The following RFTN1 variants were observed in gnomAD, a reference collection of about 807,000 sequenced individuals.
RFTN1 encodes the protein raftlin.
RFTN1 carries 26 observed loss-of-function variants against 46.5 expected under a neutral mutation model. The observed-to-expected ratio is 0.56, with a 90% CI of 0.41 to 0.78. The LOEUF (loss-of-function observed/expected upper bound fraction) is 0.78. RFTN1 is among the 30% of genes least tolerant of loss of function. RFTN1 has a pLI of 0.00. For synonymous variants in RFTN1, 261 were observed against 284.2 expected (o/e 0.92, Z 0.82); for missense variants, 693 against 718.7 (o/e 0.96, Z 0.41).
At chr3:16,359,736 A>G (rs2072704861) in intron 6 of RFTN1, among the ~76,000 whole-genome samples, 1 of 152,196 alleles carries the variant, frequency 6.6e-6, no homozygotes, top group South Asian at 2.1e-4. Context: ...GTCCTAGTAA[A>G]CATACAAACA....
In RFTN1 at chr3:16,382,052, A is replaced by C. The variant is rs889941840; in HGVS notation, c.442-3950T>G. ...AGGATCCAAACTTTAAAAAGATGTC[A>C]AAGTTAAATGCTGCCCTTATCCTAT... On this transcript the variant is annotated intron_variant, in intron 4 of 9. Transcript: ENST00000334133. This position sits in a 1 kb window ranked among gnomAD's most constrained non-coding sequence, Gnocchi z 4.7. Among the ~76,000 whole-genome samples the C allele has an allele frequency of 2.6e-5, 4 of 152,226 alleles. No individual in the cohort carries two copies. The highest frequency in any genetic ancestry group is 5.9e-5 in the Non-Finnish European group (4 of 68,032).
chr3:16,431,261 C>A (rs2075381786), intron 3 of RFTN1, among the ~76,000 whole-genome samples: 2 of 152,184 alleles, frequency 1.3e-5, no homozygotes, highest in South Asian at 4.1e-4. Flanking sequence ...AAGTGGCAAG[C>A]CCCAATAGTG....
Position 16,383,266 on chromosome 3 carries a change from C to T in RFTN1, c.442-5164G>A, listed in dbSNP as rs1050968276. On this transcript the variant is annotated intron_variant, in intron 4 of 9. Coordinates refer to ENST00000334133, the MANE Select transcript of RFTN1 (RefSeq NM_015150.2). The surrounding 1 kb of genome is among the most constrained non-coding windows in gnomAD (Gnocchi z 4.0). ...GGATGCCTGTTTAAACTGATATACA[C>T]CCTCACCCACCTTATTCTCATTTCT... 6.6e-6 allele frequency among the ~76,000 whole-genome samples: 1 copy of T among 152,154 alleles called. No individual in the cohort carries two copies. The highest frequency in any genetic ancestry group is 2.4e-5 in the African/African-American group (1 of 41,432).
chr3:16,374,909 G>A lies in RFTN1; in HGVS notation c.826+2809C>T, dbSNP rs1436526548. 6.6e-6 allele frequency among the ~76,000 whole-genome samples: 1 copy of A among 152,160 alleles called. No homozygotes were observed. Among genetic ancestry groups the A allele is most frequent in the African/African-American group, 2.4e-5 (1 of 41,430 alleles). ...GCGTGACGGCTGCACCGAGCCCGCA[G>A]AGATGGGGAGGGACGACCTGCCCCT... On this transcript the variant is annotated intron_variant, in intron 5 of 9. Transcript: ENST00000334133. This position sits in a 1 kb window ranked among gnomAD's most constrained non-coding sequence, Gnocchi z 5.4.
Position 16,316,660 on chromosome 3 carries a change from G to C in RFTN1, c.*168C>G, listed in dbSNP as rs2068425495. 2.7e-6 allele frequency: 2 copies of C among 747,128 alleles called. No homozygotes were observed. Among genetic ancestry groups the C allele is most frequent in the Non-Finnish European group, 4.6e-6 (2 of 438,788 alleles). The allele number at this position is 747,128 out of a possible 1,614,324, so 46.3% of individuals were successfully genotyped here. A position where few individuals can be genotyped will look rare whatever the true frequency, so the allele number is the denominator to read the frequency against. ...CAGTGGATGTGCAAAAACCAACACTGTCAGGAACCTGGCCCTGGGAGGGCT... is the reference window on the plus strand; with the variant it reads ...CAGTGGATGTGCAAAAACCAACACTCTCAGGAACCTGGCCCTGGGAGGGCT... On this transcript the variant is annotated 3_prime_UTR_variant, in exon 10 of 10. Transcript: ENST00000334133. This position sits in a 1 kb window ranked among gnomAD's most constrained non-coding sequence, Gnocchi z 4.5.
rs781090506 is a variant in RFTN1, at chr3:16,317,003, G to A, written c.1562C>T (p.Ser521Phe). 11 of 1,613,540 alleles carry A rather than the reference G, an allele frequency of 6.8e-6. No homozygotes were observed. In the East Asian group the frequency reaches 1.8e-4, roughly 26 times the overall value. Residue 521 changes from serine (S) to phenylalanine (F), a missense_variant, in exon 10 of 10, where the codon TCC (serine) becomes TTC (phenylalanine). Coordinates refer to ENST00000334133, the MANE Select transcript of RFTN1 (RefSeq NM_015150.2). The surrounding 1 kb of genome is among the most constrained non-coding windows in gnomAD (Gnocchi z 4.3). ...CACCCCACACAGCAGGCCACCAGGG[G>A]ACAGCTGTTCTCCCTTGTCCTCTTG... ...PVQEDKGEQL[S>F]PGGLLCGVGV...
At position 16,380,394 on chromosome 3, in the gene RFTN1, T is replaced by C. The variant is rs1238228946; in HGVS notation, c.442-2292A>G. On this transcript the variant is annotated intron_variant, in intron 4 of 9. Coordinates refer to ENST00000334133, the MANE Select transcript of RFTN1 (RefSeq NM_015150.2). The surrounding 1 kb of genome is among the most constrained non-coding windows in gnomAD (Gnocchi z 4.8). ...CGGCCCTGCAGAGACTGCTGTCATC[T>C]AGAGTGAAGAGGCGAGGACTCCAGA... Among the ~76,000 whole-genome samples the C allele has an allele frequency of 6.6e-6, 1 of 152,190 alleles. No homozygotes were observed. The highest frequency in any genetic ancestry group is 1.5e-5 in the Non-Finnish European group (1 of 68,018).
At chr3:16,403,132 C>T (rs1430570252) in intron 4 of RFTN1, among the ~76,000 whole-genome samples, 1 of 152,190 alleles carries the variant, frequency 6.6e-6, no homozygotes, top group Non-Finnish European at 1.5e-5. Context: ...ACATCTGACC[C>T]CATGTACCCA....
At position 16,499,714 on chromosome 3, in the gene RFTN1, G is replaced by A. The variant is rs183956315; in HGVS notation, c.-8-5837C>T. On this transcript the variant is annotated intron_variant, in intron 1 of 9. Transcript: ENST00000334133. The surrounding 1 kb of genome is among the most constrained non-coding windows in gnomAD (Gnocchi z 4.9). ...CTGCTCGAAATGACCATGGCCTGCC[G>A]CCTCCTTGGCACCTGCTGAAGTTGG... Among the ~76,000 whole-genome samples the A allele has an allele frequency of 4.9e-3, 751 of 152,282 alleles. 4 individuals are homozygous for A. The highest frequency in any genetic ancestry group is 7.9e-3 in the Non-Finnish European group (537 of 68,014).
rs1025978709 is a variant in RFTN1 at position 16,382,150 on chromosome 3, T to C, written c.442-4048A>G. On this transcript the variant is annotated intron_variant, in intron 4 of 9. Transcript: ENST00000334133. The surrounding 1 kb of genome is among the most constrained non-coding windows in gnomAD (Gnocchi z 4.7). Reference sequence around the variant, plus strand: ...GCTCTGCTTATTTCCTTCAAATAGATTCCTGGAAGTAGAATTAATGAATGA... The same window carrying C: ...GCTCTGCTTATTTCCTTCAAATAGACTCCTGGAAGTAGAATTAATGAATGA... Among the ~76,000 whole-genome samples the C allele has an allele frequency of 1.3e-5, 2 of 152,208 alleles. No individual in the cohort carries two copies. The highest frequency in any genetic ancestry group is 2.9e-5 in the Non-Finnish European group (2 of 68,036).
At chr3:16,328,373 T>G (rs2069949180) in intron 7 of RFTN1, among the ~76,000 whole-genome samples, 1 of 152,270 alleles carries the variant, frequency 6.6e-6, no homozygotes, top group South Asian at 2.1e-4. Flanking sequence ...GCTATCCTGC[T>G]GGTGGCCCTT....
rs1269117058 is a variant in RFTN1, at chr3:16,345,876, G to A, written c.1146+12056C>T. On this transcript the variant is annotated intron_variant, in intron 7 of 9. Transcript: ENST00000334133. The surrounding 1 kb of genome is among the most constrained non-coding windows in gnomAD (Gnocchi z 5.2). ...TGTGTATGTGTATAATCTCCTACTGGTTCTGTTTTACTGGAGAACCCTAAT... is the reference window on the plus strand; with the variant it reads ...TGTGTATGTGTATAATCTCCTACTGATTCTGTTTTACTGGAGAACCCTAAT... 6.7e-6 allele frequency: 1 copy of A among 149,122 alleles called. No homozygotes were observed. The highest frequency in any genetic ancestry group is 1.5e-5 in the Non-Finnish European group (1 of 67,188). 9.2% of individuals were successfully genotyped at this position (149,122 alleles called of 1,614,324 possible).
At position 16,382,342 on chromosome 3, in the gene RFTN1, C is replaced by T. The variant is rs539283318; in HGVS notation, c.442-4240G>A. Among the ~76,000 whole-genome samples, 2 of 152,334 alleles carry T rather than the reference C, an allele frequency of 1.3e-5. No individual in the cohort carries two copies. Among genetic ancestry groups the T allele is most frequent in the South Asian group, 4.1e-4 (2 of 4,832 alleles). ...CAGTTCTGTCTTACCCTAGTATAGA[C>T]ACTTTCCTCTTTTTCAGAAAGTCAT... On this transcript the variant is annotated intron_variant, in intron 4 of 9. Transcript: ENST00000334133. The surrounding 1 kb of genome is among the most constrained non-coding windows in gnomAD (Gnocchi z 4.7).
intron 2 of RFTN1, among the ~76,000 whole-genome samples, chr3:16,482,377 C>T (rs1242219778): frequency 6.6e-6 from 1 of 152,326 alleles, no homozygotes; most frequent in East Asian, 1.9e-4. Context: ...TCATCCCCAC[C>T]ATCTATGATT....
rs914067901 is a variant in RFTN1 at position 16,463,377 on chromosome 3, C to G, written c.146-29340G>C. ...TTTTCTATATGTTCCATTTTTCCCT[C>G]TTTGCATTTCAGCTTAAATCGTTTC... is the stretch of plus-strand genomic sequence containing the variant. On this transcript the variant is annotated intron_variant, in intron 2 of 9. Coordinates refer to ENST00000334133, the MANE Select transcript of RFTN1 (RefSeq NM_015150.2). Among the ~76,000 whole-genome samples, 4 of 152,298 alleles carry G rather than the reference C, an allele frequency of 2.6e-5. No homozygotes were observed. In the East Asian group the frequency reaches 7.7e-4, roughly 29 times the overall value.
chr3:16,357,626 C>CTCATTTATATCACTTAGAGTTG (rs2072538205), intron 7 of RFTN1, among the ~76,000 whole-genome samples: 2 of 152,178 alleles, frequency 1.3e-5, no homozygotes, highest in Non-Finnish European at 2.9e-5. Context: ...ACTATGTGGC[C>CTCATTTATATCACTTAGAGTTG]TCATTTATAT....
intron 3 of RFTN1, among the ~76,000 whole-genome samples, chr3:16,420,542 A>T (rs1293739924): frequency 2.0e-5 from 3 of 152,202 alleles, no homozygotes; most frequent in African/African-American, 7.2e-5. Context: ...TTGAATGCAC[A>T]TGTTCCACAT....
intron 6 of RFTN1, among the ~76,000 whole-genome samples, chr3:16,360,470 G>T (rs1386821663): frequency 6.6e-6 from 1 of 152,146 alleles, no homozygotes; most frequent in Admixed American, 6.5e-5. Flanking sequence ...ATTTAGCAAG[G>T]TGACAAATTT....
At chr3:16,464,932 T>A (rs577927049) in intron 2 of RFTN1, among the ~76,000 whole-genome samples, 1 of 152,232 alleles carries the variant, frequency 6.6e-6, no homozygotes, top group Non-Finnish European at 1.5e-5. Flanking sequence ...GAGAGAAGAT[T>A]GCATGTGCGG....
Sources: gnomAD v4.1 joint callset for allele counts (sites outside exome capture counted in the v4.1 genomes callset) on GRCh38, gnomAD v4.1.1 for gene constraint, Gnocchi (gnomAD v3.1) non-coding constraint, MANE v1.5 for transcripts, NCBI Gene and HGNC (gene_info 2026-07-23, HGNC 2026-07-21) for gene names.